FAT1: variants seen among roughly 807,000 people sequenced by gnomAD.
The protein encoded by FAT1 is protocadherin Fat 1.
In FAT1, 171 loss-of-function variants were observed where a neutral mutation model predicts 329.8. That is an observed-to-expected ratio of 0.52 (90% CI 0.46 to 0.59). The LOEUF (loss-of-function observed/expected upper bound fraction) is 0.59, where lower values mean the gene tolerates loss of function less well. FAT1 is among the 20% of genes least tolerant of loss of function. The pLI is 0.00. For missense variants in FAT1, 5,672 were observed against 5,774.4 expected (o/e 0.98, Z 0.57); for synonymous variants, 2,233 against 2,228.6 (o/e 1.00, Z -0.06).
intron 2 of FAT1, among the ~76,000 whole-genome samples, chr4:186,696,208 C>T (rs1174416192): frequency 6.6e-6 from 1 of 152,146 alleles, no homozygotes; most frequent in Non-Finnish European, 1.5e-5. Context: ...CAATTAAAAC[C>T]ACATATGGAT....
Position 186,709,819 on chromosome 4 carries a change from T to C in FAT1, c.9A>G (p.Arg3=), listed in dbSNP as rs371512264. ...GCAGAAGCAGGAGCAAAGCCAAATG[T>C]CTCCCCATTGCTTAACTGTCGGGAA... MG[R]HLALLLLLLL... is the part of the protein sequence containing the mutation. Residue 3 remains arginine, a synonymous_variant, in exon 2 of 27, where the codon AGA becomes AGG. Coordinates refer to ENST00000441802, the MANE Select transcript of FAT1 (RefSeq NM_005245.4). 47 of 1,601,530 alleles carry C rather than the reference T, an allele frequency of 2.9e-5. No homozygotes were observed. The African/African-American group carries it at 5.1e-4, about 17-fold the overall frequency.
chr4:186,723,750 G>A lies in FAT1; in HGVS notation c.-105C>T, dbSNP rs1341802499. 9.3e-5 allele frequency: 14 copies of A among 150,954 alleles called. No homozygotes were observed. In the East Asian group the frequency reaches 2.6e-3, roughly 28 times the overall value. The allele number at this position is 150,954 out of a possible 1,614,324, so 9.4% of individuals were successfully genotyped here. On this transcript the variant is annotated 5_prime_UTR_variant, in exon 1 of 27. Transcript: ENST00000441802. Reference sequence around the variant, plus strand: ...CCCCCGAGCAGGGACCGGGCCTGCCGGGGCCCTCGCCGGGCTCGCGCGTCC... The same window carrying A: ...CCCCCGAGCAGGGACCGGGCCTGCCAGGGCCCTCGCCGGGCTCGCGCGTCC...
rs2126692824 is a variant in FAT1, at chr4:186,707,975, T to C, written c.1853A>G (p.Asn618Ser). ...TAATGACAATACCCCCGAGTTGGGG[T>C]TTAAACTAAAGAAATCCAGTTCATT... is the stretch of plus-strand genomic sequence containing the variant. ...AGNELDFFSL[N>S]PNSGVLSLKR... The change falls in exon 2 of 27, where the codon AAC becomes AGC. Residue 618 changes from asparagine to serine, a missense_variant. This residue lies in a region of FAT1 where 3,966 missense variants were observed against 3,915.2 expected (regional missense o/e 1.01). Coordinates refer to ENST00000441802, the MANE Select transcript of FAT1 (RefSeq NM_005245.4). 5 of 1,613,876 alleles carry C rather than the reference T, an allele frequency of 3.1e-6. No homozygotes were observed. The highest frequency in any genetic ancestry group is 4.2e-6 in the Non-Finnish European group (5 of 1,179,856).
chr4:186,587,922 C>A lies in FAT1; in HGVS notation c.*670G>T. ...AAACTGTGTCATGGTGGTTTTGGTT[C>A]TAAACAGGTATGCAGAAGGTCCCCG... is the stretch of plus-strand genomic sequence containing the variant. On this transcript the variant is annotated 3_prime_UTR_variant, in exon 27 of 27. Coordinates refer to ENST00000441802, the MANE Select transcript of FAT1 (RefSeq NM_005245.4). The A allele has an allele frequency of 4.6e-6, 1 of 218,424 alleles. No individual in the cohort carries two copies. The highest frequency in any genetic ancestry group is 9.2e-6 in the Non-Finnish European group (1 of 108,668). The allele number at this position is 218,424 out of a possible 1,614,324, so 13.5% of individuals were successfully genotyped here.
intron 3 of FAT1, among the ~76,000 whole-genome samples, chr4:186,640,836 T>C (rs901382451): frequency 2.6e-5 from 4 of 152,204 alleles, no homozygotes; most frequent in Admixed American, 2.6e-4. Flanking sequence ...CACTAAAATG[T>C]CGTCCCCAAT....
intron 16 of FAT1, among the ~76,000 whole-genome samples, chr4:186,606,580 C>T (rs1739148949): frequency 1.3e-5 from 2 of 152,052 alleles, no homozygotes. Flanking sequence ...TGGGAGCAGC[C>T]TTCCTTAGGG....
chr4:186,721,498 T>C (rs191052063), intron 1 of FAT1, among the ~76,000 whole-genome samples: 14 of 152,392 alleles, frequency 9.2e-5, no homozygotes, highest in Non-Finnish European at 1.9e-4. Context: ...AACAATTATC[T>C]AGCGCAAATC....
intron 26 of FAT1, 72 bp downstream of exon 26, chr4:186,595,617 T>C: frequency 2.6e-6 from 4 of 1,558,642 alleles, no homozygotes; most frequent in Non-Finnish European, 3.5e-6. Context: ...AGATAGTGCG[T>C]CTACATTGTG....
intron 1 of FAT1, among the ~76,000 whole-genome samples, chr4:186,717,096 A>G (rs1159499878): frequency 1.3e-5 from 2 of 152,230 alleles, no homozygotes; most frequent in Non-Finnish European, 2.9e-5. Context: ...ACTGTATATT[A>G]AAAAGAATGT....
chr4:186,691,884 T>C (rs1021960226), intron 2 of FAT1, among the ~76,000 whole-genome samples: 2 of 152,206 alleles, frequency 1.3e-5, no homozygotes, highest in Non-Finnish European at 2.9e-5. Context: ...TGAACCTTTC[T>C]ACAAGCAGTA....
chr4:186,617,834 A>G lies in FAT1; in HGVS notation c.8752T>C (p.Phe2918Leu), dbSNP rs542263030. 2.5e-6 allele frequency: 4 copies of G among 1,613,808 alleles called. No individual in the cohort carries two copies. Among genetic ancestry groups the G allele is most frequent in the Admixed American group, 1.7e-5 (1 of 60,008 alleles). ...VTDVNDSPPR[F>L]TAEIYKGTVS... ...GTCCCTTTATAGATCTCGGCCGTGA[A>G]TCGTGGTGGACTATCGTTGACATCG... The change falls in exon 10 of 27, where the codon TTC becomes CTC. Residue 2918 changes from phenylalanine to leucine, a missense_variant. This residue lies in a region of FAT1 where 3,966 missense variants were observed against 3,915.2 expected (regional missense o/e 1.01). Transcript: ENST00000441802.
At chr4:186,607,437 G>A (rs1560928920) in intron 16 of FAT1, among the ~76,000 whole-genome samples, 1 of 130,220 alleles carries the variant, frequency 7.7e-6, no homozygotes, top group Non-Finnish European at 1.5e-5. Flanking sequence ...ATAGATGGGT[G>A]AATGAATGGG....
intron 1 of FAT1, among the ~76,000 whole-genome samples, chr4:186,720,029 C>G (rs1437512167): frequency 2.0e-5 from 3 of 152,196 alleles, no homozygotes; most frequent in African/African-American, 7.2e-5. Context: ...TAACCTCTAA[C>G]TAATTTCCTA....
At chr4:186,632,404 T>G (rs1239952455) in intron 7 of FAT1, among the ~76,000 whole-genome samples, 1 of 152,332 alleles carries the variant, frequency 6.6e-6, no homozygotes, top group South Asian at 2.1e-4. Flanking sequence ...TCTCTCAGAA[T>G]TATCCTATTA....
chr4:186,623,042 T>C (rs570190554), intron 9 of FAT1, among the ~76,000 whole-genome samples: 2 of 152,344 alleles, frequency 1.3e-5, no homozygotes, highest in East Asian at 3.9e-4. Flanking sequence ...CAGTCTTCAC[T>C]TCCTTCCTTT....
At chr4:186,638,127 A>G (rs751974856) in intron 4 of FAT1, among the ~76,000 whole-genome samples, 28 of 152,202 alleles carry the variant, frequency 1.8e-4, no homozygotes, top group Non-Finnish European at 3.4e-4. Flanking sequence ...TAAGACAGCC[A>G]AATCAATGCC....
chr4:186,681,124 G>A (rs1743186771), intron 2 of FAT1, among the ~76,000 whole-genome samples: 1 of 152,112 alleles, frequency 6.6e-6, no homozygotes, highest in Admixed American at 6.6e-5. Flanking sequence ...TTCTCAGTCT[G>A]TTACTTCAAA....
intron 2 of FAT1, among the ~76,000 whole-genome samples, chr4:186,671,000 G>A (rs1046002033): frequency 1.3e-5 from 2 of 152,020 alleles, no homozygotes; most frequent in Non-Finnish European, 2.9e-5. Context: ...GAGAAGCTGG[G>A]GCAGGGAGCA....
chr4:186,651,679 G>A (rs1053716172), intron 3 of FAT1, among the ~76,000 whole-genome samples: 1 of 152,142 alleles, frequency 6.6e-6, no homozygotes, highest in Non-Finnish European at 1.5e-5. Context: ...GCAGGGAGGC[G>A]TCACGTCCTC....
Sources: gnomAD v4.1 joint callset for allele counts (sites outside exome capture counted in the v4.1 genomes callset) on GRCh38, gnomAD v4.1.1 for gene constraint, gnomAD v4.1.1 regional missense constraint, MANE v1.5 for transcripts, NCBI Gene and HGNC (gene_info 2026-07-23, HGNC 2026-07-21) for gene names.